Variants in MAP4K4 observed in about 807,000 individuals in gnomAD.
The protein encoded by MAP4K4 is mitogen-activated protein kinase kinase kinase kinase 4.
A neutral mutation model predicts 189.6 loss-of-function variants in MAP4K4; 38 were observed. That is an observed-to-expected ratio of 0.20 (90% CI 0.15 to 0.26). The LOEUF is 0.26. MAP4K4 is among the 10% of genes least tolerant of loss of function. MAP4K4 has a pLI of 1.00. For missense variants in MAP4K4, 1,054 were observed against 1,726.9 expected, an observed-to-expected ratio of 0.61 and a Z score of 6.91; for synonymous variants, 610 against 624.3, an observed-to-expected ratio of 0.98 and a Z score of 0.34.
chr2:101,803,443 C>A (rs889040847), intron 3 of MAP4K4, among the ~76,000 whole-genome samples: 2 of 152,168 alleles, frequency 1.3e-5, no homozygotes, highest in South Asian at 2.1e-4. Context: ...TTTAGATAAC[C>A]TGTGTCCATT....
At chr2:101,785,980 C>G (rs2091026620) in intron 2 of MAP4K4, among the ~76,000 whole-genome samples, 1 of 152,074 alleles carries the variant, frequency 6.6e-6, no homozygotes, top group Non-Finnish European at 1.5e-5. Flanking sequence ...CGCCCGCCAC[C>G]ATGCCTGGCT....
rs1404346063 is a variant in MAP4K4 at position 101,885,719 on chromosome 2, A to G, written c.3621+432A>G. Among the ~76,000 whole-genome samples the G allele has an allele frequency of 2.6e-5, 4 of 152,248 alleles. No homozygotes were observed. In the East Asian group the frequency reaches 7.7e-4, roughly 29 times the overall value. Reference sequence around the variant, plus strand: ...ATTAAATTACAGAAATTCTGATGACAACATTATATACTAAGTGAAAAAAGT... The same window carrying G: ...ATTAAATTACAGAAATTCTGATGACGACATTATATACTAAGTGAAAAAAGT... On this transcript the variant is annotated intron_variant, in intron 29 of 32. Transcript: ENST00000324219.
chr2:101,792,528 G>C (rs1373732425), intron 3 of MAP4K4, among the ~76,000 whole-genome samples: 1 of 152,010 alleles, frequency 6.6e-6, no homozygotes, highest in Non-Finnish European at 1.5e-5. Flanking sequence ...TGTAAAAAAA[G>C]AAGTGTAAAA....
rs954533753 is a variant in MAP4K4, at chr2:101,815,916, G to A, written c.181-8012G>A. On this transcript the variant is annotated intron_variant, in intron 3 of 32. Transcript: ENST00000324219. ...CCTCAGGTGGTTTCCGCACGGGGAC[G>A]TGTTGATAGTGTGCTACTGAGTCTT... Among the ~76,000 whole-genome samples the A allele has an allele frequency of 4.6e-5, 7 of 152,268 alleles. No homozygotes were observed. In the East Asian group the frequency reaches 9.7e-4, roughly 21 times the overall value.
rs139381493 is a variant in MAP4K4, at chr2:101,879,063, C to T, written c.3385+1917C>T. 3.2e-3 allele frequency among the ~76,000 whole-genome samples: 480 copies of T among 151,896 alleles called. 2 individuals carry two copies. The highest frequency in any genetic ancestry group is 9.8e-3 in the African/African-American group (407 of 41,414). Reference sequence around the variant, plus strand: ...ACTCAGCTGAGACCAGGTGCGGTGGCGTATGCCTGTAATCCCAGCAATCTG... The same window carrying T: ...ACTCAGCTGAGACCAGGTGCGGTGGTGTATGCCTGTAATCCCAGCAATCTG... On this transcript the variant is annotated intron_variant, in intron 27 of 32. Transcript: ENST00000324219.
rs532274021 is a variant in MAP4K4 at position 101,819,352 on chromosome 2, A to G, written c.181-4576A>G. On this transcript the variant is annotated intron_variant, in intron 3 of 32. Coordinates refer to ENST00000324219, the Ensembl canonical transcript of MAP4K4. ...TAAAGACAACATAAAATACTGTATAATAAGCATTAGTCATAATTAGATTTC... is the reference window on the plus strand; with the variant it reads ...TAAAGACAACATAAAATACTGTATAGTAAGCATTAGTCATAATTAGATTTC... 3.9e-5 allele frequency among the ~76,000 whole-genome samples: 6 copies of G among 152,364 alleles called. No homozygotes were observed. In the East Asian group the frequency reaches 1.2e-3, roughly 29 times the overall value.
chr2:101,762,226 C>G (rs2076806142), intron 2 of MAP4K4, among the ~76,000 whole-genome samples: 1 of 152,206 alleles, frequency 6.6e-6, no homozygotes, highest in Non-Finnish European at 1.5e-5. Context: ...AAAGGCACCT[C>G]ATTTAAAATG....
intron 2 of MAP4K4, among the ~76,000 whole-genome samples, chr2:101,785,560 A>G (rs2090214281): frequency 1.3e-5 from 2 of 152,232 alleles, no homozygotes; most frequent in Non-Finnish European, 2.9e-5. Flanking sequence ...AATGTGTTTT[A>G]AAGGGATAAT....
chr2:101,755,269 G>C (rs953341067), intron 2 of MAP4K4, among the ~76,000 whole-genome samples: 1 of 151,646 alleles, frequency 6.6e-6, no homozygotes, highest in Non-Finnish European at 1.5e-5. Flanking sequence ...TTTTCTTGTG[G>C]ACTTCCTAGT....
chr2:101,827,001 A>G (rs184534800), intron 5 of MAP4K4, among the ~76,000 whole-genome samples: 2 of 152,286 alleles, frequency 1.3e-5, no homozygotes, highest in East Asian at 1.9e-4. Context: ...AGCTTTTAGC[A>G]TAATGTCCTA....
chr2:101,750,558 C>G (rs2068318346), intron 2 of MAP4K4, among the ~76,000 whole-genome samples: 1 of 149,504 alleles, frequency 6.7e-6, no homozygotes, highest in African/African-American at 2.5e-5. Context: ...ATACCTAATG[C>G]TAGATGACGA....
At chr2:101,837,310 C>T (rs939415406) in intron 9 of MAP4K4, among the ~76,000 whole-genome samples, 1 of 151,928 alleles carries the variant, frequency 6.6e-6, no homozygotes, top group Non-Finnish European at 1.5e-5. Context: ...TATTGTTGCA[C>T]GCTGACACCC....
chr2:101,702,555 G>A (rs569825189), intron 2 of MAP4K4, among the ~76,000 whole-genome samples: 143 of 152,224 alleles, frequency 9.4e-4, no homozygotes, highest in African/African-American at 3.4e-3. Flanking sequence ...GGCAACAAGA[G>A]TGAAACTCTG....
chr2:101,866,362 G>T (rs2097815738), intron 18 of MAP4K4, 66 bp from the exon 19 acceptor site: 1 of 1,510,170 alleles, frequency 6.6e-7, no homozygotes. Context: ...CCATGCACAT[G>T]TTGGTAATTT....
intron 27 of MAP4K4, among the ~76,000 whole-genome samples, chr2:101,878,582 C>A (rs2098280847): frequency 6.6e-6 from 1 of 152,058 alleles, no homozygotes; most frequent in South Asian, 2.1e-4. Context: ...CCTTTTTTCT[C>A]TCATGTGAAC....
At chr2:101,878,271 T>G (rs573381443) in intron 27 of MAP4K4, among the ~76,000 whole-genome samples, 7 of 152,328 alleles carry the variant, frequency 4.6e-5, no homozygotes, top group African/African-American at 1.7e-4. Context: ...ATTTCAAACA[T>G]AGGATAATGG....
chr2:101,811,328 C>G (rs538549312), intron 3 of MAP4K4, among the ~76,000 whole-genome samples: 3 of 130,938 alleles, frequency 2.3e-5, no homozygotes, highest in Non-Finnish European at 3.1e-5. Flanking sequence ...CCGAGATTTG[C>G]GCCACTGCAT....
chr2:101,791,442 AGTAAT>A (rs1307990378), intron 3 of MAP4K4, among the ~76,000 whole-genome samples: 2 of 152,198 alleles, frequency 1.3e-5, no homozygotes, highest in African/African-American at 4.8e-5. Context: ...CTTTAAAAAT[AGTAAT>A]ATATTATAAT....
chr2:101,707,384 C>A (rs112223193), intron 2 of MAP4K4, among the ~76,000 whole-genome samples: 95 of 151,642 alleles, frequency 6.3e-4, no homozygotes, highest in South Asian at 1.7e-3. Context: ...AATATTTGTA[C>A]GTTTAGTAGA....
Sources: allele counts gnomAD v4.1 joint callset (sites outside exome capture counted in the v4.1 genomes callset), GRCh38; gene constraint gnomAD v4.1.1; transcripts MANE v1.5; gene names NCBI Gene and HGNC (gene_info 2026-07-23, HGNC 2026-07-21).